TH: variants seen among roughly 807,000 people sequenced by gnomAD.
TH encodes the protein tyrosine 3-monooxygenase.
In TH, 49 loss-of-function variants were observed where a neutral mutation model predicts 57.4. The ratio of observed to expected loss-of-function variants is 0.85; its 90% CI spans 0.68 to 1.08. TH has a LOEUF of 1.08. Among genes scored for constraint, TH ranks in the 50% least tolerant of loss-of-function variants. TH has a pLI of 0.00. For synonymous variants in TH, 330 were observed against 304.5 expected, an observed-to-expected ratio of 1.08 and a Z score of -0.87; for missense variants, 720 against 696.7, an observed-to-expected ratio of 1.03 and a Z score of -0.38.
In TH at chr11:2,164,755, A is replaced by G. The variant is rs577051683; in HGVS notation, c.1335-363T>C. ...CCTGGCCTCAGTTTCCCCAGTGCAT[A>G]AGAGGCTGGAGGGAAAATGATGAGA... On this transcript the variant is annotated intron_variant, in intron 12 of 12. Transcript: ENST00000352909. Among the ~76,000 whole-genome samples, 3 of 152,190 alleles carry G rather than the reference A, an allele frequency of 2.0e-5. No individual in the cohort carries two copies. The East Asian group carries it at 5.8e-4, about 30-fold the overall frequency.
At chr11:2,166,593 A>C in intron 8 of TH, 40 bp downstream of exon 8, 1 of 1,583,582 alleles carries the variant, frequency 6.3e-7, no homozygotes, top group African/African-American at 1.3e-5. Context: ...CGCCCGTCGC[A>C]CCCCCCACCC....
Position 2,169,703 on chromosome 11 carries a change from A to G in TH, c.259T>C (p.Ser87Pro), listed in dbSNP as rs1846199834. The G allele has an allele frequency of 6.2e-7, 1 of 1,613,246 alleles. No individual in the cohort carries two copies. Among genetic ancestry groups the G allele is most frequent in the Non-Finnish European group, 8.5e-7 (1 of 1,179,886 alleles). The stretch of plus-strand genomic sequence containing the variant: ...GCCGAGGGCTTGGTGGCCCTCGGGG[A>G]GAAGAGCAGGTTTAGCACGGCCTTC... ...EGKAVLNLLF[S>P]PRATKPSALS... The change falls in exon 2 of 13, where the codon TCC becomes CCC. Residue 87 changes from serine to proline, a missense_variant. Ser to Pro is a moderately conservative substitution (Grantham distance 74). Transcript: ENST00000352909.
In TH at chr11:2,170,739, G is replaced by C; in HGVS notation, c.91-868C>G. 6.2e-7 allele frequency: 1 copy of C among 1,600,358 alleles called. No homozygotes were observed. Among genetic ancestry groups the C allele is most frequent in the Non-Finnish European group, 8.5e-7 (1 of 1,176,578 alleles). ...AGCTGGGGCTGCAGTTCCAGGCCAC[G>C]GAGAGCCTGTGAGGCTGGGCCCCGG... On this transcript the variant is annotated intron_variant, in intron 1 of 12. Transcript: ENST00000352909. The surrounding 1 kb of genome is among the most constrained non-coding windows in gnomAD (Gnocchi z 6.0).
chr11:2,169,065 C>A (rs917740136), intron 2 of TH, among the ~76,000 whole-genome samples: 1 of 152,180 alleles, frequency 6.6e-6, no homozygotes, highest in South Asian at 2.1e-4. Flanking sequence ...CCTGAGCGTC[C>A]AGGACACTGG....
chr11:2,167,059 C>A, intron 6 of TH, 27 bp from the exon 7 acceptor site: 1 of 1,565,344 alleles, frequency 6.4e-7, no homozygotes, highest in Non-Finnish European at 8.7e-7. Context: ...TCAGGGCCCT[C>A]TAATGCCCCA....
At position 2,171,593 on chromosome 11, in the gene TH, C is replaced by T; in HGVS notation, c.90+104G>A. On this transcript the variant is annotated intron_variant, in intron 1 of 12. Transcript: ENST00000352909. The surrounding 1 kb of genome is among the most constrained non-coding windows in gnomAD (Gnocchi z 8.6). ...CGCGTCCCAGGGGTTTGCATGGACC[C>T]TGAGCCTGGGGCTGCCAGCCAGGCT... The T allele has an allele frequency of 7.5e-7, 1 of 1,327,544 alleles. No homozygotes were observed. Among genetic ancestry groups the T allele is most frequent in the Non-Finnish European group, 1.1e-6 (1 of 945,206 alleles). The allele number at this position is 1,327,544 out of a possible 1,614,324, so 82.2% of individuals were successfully genotyped here.
At chr11:2,168,217 G>A (rs1564919147) in intron 3 of TH, 38 bp from the exon 4 acceptor site, 9 of 1,600,206 alleles carry the variant, frequency 5.6e-6, no homozygotes, top group Admixed American at 1.7e-5. Context: ...TGGTGAGCTC[G>A]GAGCCGTGGG....
Position 2,167,081 on chromosome 11 carries a change from G to A in TH, c.696-49C>T, listed in dbSNP as rs566623644. On this transcript the variant is annotated intron_variant, in intron 6 of 12. Transcript: ENST00000352909. ...CCTCTAATGCCCCACCCCAGTGCCC[G>A]AAACCCCCCTCCTGAACTGTGGGTG... is the stretch of plus-strand genomic sequence containing the variant. 29 of 1,550,192 alleles carry A rather than the reference G, an allele frequency of 1.9e-5. 1 individual carries two copies. The South Asian group carries it at 3.0e-4, about 16-fold the overall frequency.
chr11:2,164,126 G>C lies in TH; in HGVS notation c.*107C>G, dbSNP rs1846011273. ...CAGGGGCAGTGGGAGCCTGGCAGCAGGGAGGGCATGGGGGGCACCCGGGAC... is the reference window on the plus strand; with the variant it reads ...CAGGGGCAGTGGGAGCCTGGCAGCACGGAGGGCATGGGGGGCACCCGGGAC... On this transcript the variant is annotated 3_prime_UTR_variant, in exon 13 of 13. Transcript: ENST00000352909. The C allele has an allele frequency of 9.7e-7, 1 of 1,032,166 alleles. No individual in the cohort carries two copies. Among genetic ancestry groups the C allele is most frequent in the South Asian group, 3.0e-5 (1 of 32,994 alleles). The allele number at this position is 1,032,166 out of a possible 1,614,324, so 63.9% of individuals were successfully genotyped here.
At position 2,170,673 on chromosome 11, in the gene TH, A is replaced by C; in HGVS notation, c.91-802T>G. On this transcript the variant is annotated intron_variant, in intron 1 of 12. Transcript: ENST00000352909. This position sits in a 1 kb window ranked among gnomAD's most constrained non-coding sequence, Gnocchi z 6.0. Reference sequence around the variant, plus strand: ...GGGGAGCAGCAGAAGCCCCTCCCAGAGTCCCCTCTTACTTACCCTTGGGGT... The same window carrying C: ...GGGGAGCAGCAGAAGCCCCTCCCAGCGTCCCCTCTTACTTACCCTTGGGGT... The C allele has an allele frequency of 6.3e-7, 1 of 1,593,046 alleles. No homozygotes were observed. The highest frequency in any genetic ancestry group is 8.6e-7 in the Non-Finnish European group (1 of 1,168,684).
Position 2,169,691 on chromosome 11 carries a change from T to G in TH, c.271A>C (p.Thr91Pro). Residue 91 changes from threonine (T) to proline (P), a missense_variant, in exon 2 of 13, where the codon ACC (threonine) becomes CCC (proline). Coordinates refer to ENST00000352909, the MANE Select transcript of TH (RefSeq NM_000360.4). ...GCTCGGGACAGCGCCGAGGGCTTGG[T>G]GGCCCTCGGGGAGAAGAGCAGGTTT... ...VLNLLFSPRA[T>P]KPSALSRAVK... 6.2e-7 allele frequency: 1 copy of G among 1,613,344 alleles called. No homozygotes were observed. The highest frequency in any genetic ancestry group is 1.1e-5 in the South Asian group (1 of 91,034).
rs1421534247 is a variant in TH at position 2,171,370 on chromosome 11, T to G, written c.90+327A>C. 6.6e-6 allele frequency among the ~76,000 whole-genome samples: 1 copy of G among 151,512 alleles called. No individual in the cohort carries two copies. The highest frequency in any genetic ancestry group is 1.5e-5 in the Non-Finnish European group (1 of 67,796). ...GCCGGGGACCTCTGGCCATCTTGGA[T>G]TTTTTGGATGGATTTGTTTCCACAT... On this transcript the variant is annotated intron_variant, in intron 1 of 12. Transcript: ENST00000352909. This position sits in a 1 kb window ranked among gnomAD's most constrained non-coding sequence, Gnocchi z 8.6.
At position 2,165,719 on chromosome 11, in the gene TH, C is replaced by G. The variant is rs758398302; in HGVS notation, c.1149G>C (p.Gly383=). 6.2e-7 allele frequency: 1 copy of G among 1,612,826 alleles called. No individual in the cohort carries two copies. The highest frequency in any genetic ancestry group is 1.7e-5 in the Admixed American group (1 of 60,020). ...TVEFGLCKQN[G]EVKAYGAGLL... is the part of the protein sequence containing the mutation. ...GCCCGGCACCATAGGCCTTCACCTC[C>G]CCGTTCTGCTTACACAGCCCGAACT... is the stretch of plus-strand genomic sequence containing the variant. The change falls in exon 11 of 13, where the codon GGG becomes GGC. Residue 383 remains glycine, a synonymous_variant. Coordinates refer to ENST00000352909, the MANE Select transcript of TH (RefSeq NM_000360.4).
At chr11:2,165,467 AC>A in intron 11 of TH, 102 bp from the exon 12 acceptor site, 1 of 1,550,872 alleles carries the variant, frequency 6.4e-7, no homozygotes, top group South Asian at 1.1e-5. Flanking sequence ...GGGTAGAGTC[AC>A]CCCCATCTCC....
At chr11:2,166,346 C>A in intron 9 of TH, 134 bp downstream of exon 9, 1 of 1,241,076 alleles carries the variant, frequency 8.1e-7, no homozygotes, top group East Asian at 2.6e-5. Flanking sequence ...GCGCGACCCT[C>A]GGGGCGCCGA....
chr11:2,169,021 A>G (rs1382478524), intron 2 of TH, among the ~76,000 whole-genome samples: 3 of 152,080 alleles, frequency 2.0e-5, no homozygotes, highest in African/African-American at 7.2e-5. Flanking sequence ...GGCCTCATCC[A>G]GGTTTGTAGG....
rs1440993963 is a variant in TH at position 2,170,128 on chromosome 11, C to T, written c.91-257G>A. ...GAGGAGTGGGGGCTGGGAAGGTGCT[C>T]GCCTGCTCCCCACTCTGTGGCGAGC... On this transcript the variant is annotated intron_variant, in intron 1 of 12. Transcript: ENST00000352909. The surrounding 1 kb of genome is among the most constrained non-coding windows in gnomAD (Gnocchi z 6.0). Among the ~76,000 whole-genome samples, 1 of 152,134 alleles carries T rather than the reference C, an allele frequency of 6.6e-6. No homozygotes were observed. The highest frequency in any genetic ancestry group is 6.5e-5 in the Admixed American group (1 of 15,280).
chr11:2,167,850 C>T lies in TH; in HGVS notation c.644+16G>A, dbSNP rs563373382. ...TGCAGGACGGAGTCTGGGTCCCGAG[C>T]GCAGGGGCCCCTCACTGCCTGTACT... On this transcript the variant is annotated intron_variant, in intron 5 of 12. Coordinates refer to ENST00000352909, the MANE Select transcript of TH (RefSeq NM_000360.4). 10 of 1,592,058 alleles carry T rather than the reference C, an allele frequency of 6.3e-6. No homozygotes were observed. The highest frequency in any genetic ancestry group is 1.7e-5 in the Admixed American group (1 of 57,806).
At position 2,166,724 on chromosome 11, in the gene TH, C is replaced by T; in HGVS notation, c.886G>A (p.Ala296Thr). Residue 296 changes from alanine (A) to threonine (T), a missense_variant, in exon 8 of 13, where the codon GCC becomes ACC. Physicochemically the swap from Ala to Thr is moderately conservative, Grantham distance 58. Transcript: ENST00000352909. ...QLRPVAGLLSARDFLASLAFR... is the reference protein window; with the variant it reads ...QLRPVAGLLSTRDFLASLAFR... ...GCCAGGCTGGCCAGGAAGTCCCGGG[C>T]GGACAGCAGGCCGGCCACAGGCCGC... is the stretch of plus-strand genomic sequence containing the variant. The T allele has an allele frequency of 1.3e-6, 2 of 1,551,032 alleles. No homozygotes were observed. Among genetic ancestry groups the T allele is most frequent in the Non-Finnish European group, 1.7e-6 (2 of 1,147,372 alleles).
Sources: allele counts gnomAD v4.1 joint callset (sites outside exome capture counted in the v4.1 genomes callset), GRCh38; gene constraint gnomAD v4.1.1; non-coding constraint Gnocchi (gnomAD v3.1); transcripts MANE v1.5; gene names NCBI Gene and HGNC (gene_info 2026-07-23, HGNC 2026-07-21).